MACROD2: variants seen among roughly 807,000 people sequenced by gnomAD.
MACROD2 encodes the protein mono-ADP ribosylhydrolase 2.
In MACROD2, 36 loss-of-function variants were observed where a neutral mutation model predicts 70.4. The ratio of observed to expected loss-of-function variants is 0.51; its 90% CI spans 0.39 to 0.68. MACROD2 has a LOEUF of 0.68. Ranked by LOEUF, MACROD2 falls within the 30% of genes least tolerant of loss-of-function variation. The pLI, the probability that MACROD2 is intolerant of heterozygous loss-of-function variation, is 0.00. For missense variants in MACROD2, 496 were observed against 538.4 expected (o/e 0.92, Z 0.78); for synonymous variants, 172 against 178.8 (o/e 0.96, Z 0.30).
At chr20:14,869,022 T>C (rs1273154711) in intron 5 of MACROD2, among the ~76,000 whole-genome samples, 1 of 152,004 alleles carries the variant, frequency 6.6e-6, no homozygotes, top group Non-Finnish European at 1.5e-5. Flanking sequence ...CTCCAAAAGA[T>C]CACAACAGAG....
intron 5 of MACROD2, among the ~76,000 whole-genome samples, chr20:14,975,894 G>A (rs907239020): frequency 3.9e-5 from 6 of 152,144 alleles, no homozygotes; most frequent in South Asian, 4.1e-4. Context: ...GAAAGTAAGC[G>A]AAGTTATGGA....
chr20:14,764,427 A>G (rs1451365846), intron 5 of MACROD2, among the ~76,000 whole-genome samples: 1 of 152,016 alleles, frequency 6.6e-6, no homozygotes, highest in Non-Finnish European at 1.5e-5. Context: ...TCTTTGTACC[A>G]TCTGAGGTGG....
chr20:15,917,281 C>A (rs889985074), intron 10 of MACROD2, among the ~76,000 whole-genome samples: 1 of 152,116 alleles, frequency 6.6e-6, no homozygotes, highest in Non-Finnish European at 1.5e-5. Flanking sequence ...TTCTCTCATT[C>A]CTTCAGGGAG....
At chr20:14,323,318 G>A (rs182949633) in intron 3 of MACROD2, 40 of 152,146 alleles carry the variant, frequency 2.6e-4, no homozygotes, top group African/African-American at 7.5e-4. Flanking sequence ...ATTTACTGAC[G>A]TATTATAAAG....
At chr20:15,786,904 G>T (rs2051938123) in intron 8 of MACROD2, among the ~76,000 whole-genome samples, 1 of 152,140 alleles carries the variant, frequency 6.6e-6, no homozygotes, top group Admixed American at 6.5e-5. Context: ...GGCATACAAA[G>T]TGTAAGTGTC....
chr20:14,221,492 A>C (rs2081673957), intron 3 of MACROD2, among the ~76,000 whole-genome samples: 1 of 152,140 alleles, frequency 6.6e-6, no homozygotes, highest in South Asian at 2.1e-4. Flanking sequence ...CTCAAGACAG[A>C]TTAAAGACTT....
chr20:14,060,555 G>A (rs1193596915), intron 2 of MACROD2, among the ~76,000 whole-genome samples: 1 of 152,184 alleles, frequency 6.6e-6, no homozygotes, highest in Non-Finnish European at 1.5e-5. Flanking sequence ...TCTCAGATAA[G>A]TAGTTCCAGA....
chr20:14,813,803 T>G (rs926939564), intron 5 of MACROD2, among the ~76,000 whole-genome samples: 4 of 152,028 alleles, frequency 2.6e-5, no homozygotes, highest in Non-Finnish European at 2.9e-5. Flanking sequence ...ATTACATTAT[T>G]GGCCATTGGT....
At chr20:15,059,964 A>G (rs1209958659) in intron 5 of MACROD2, among the ~76,000 whole-genome samples, 5 of 152,230 alleles carry the variant, frequency 3.3e-5, no homozygotes, top group Admixed American at 6.5e-5. Flanking sequence ...GTATCTTCCT[A>G]TCTGCTACAG....
chr20:14,402,044 A>G (rs1340825307), intron 3 of MACROD2, among the ~76,000 whole-genome samples: 6 of 152,138 alleles, frequency 3.9e-5, no homozygotes, highest in Admixed American at 3.3e-4. Context: ...AAATATTTTC[A>G]TGGTACAGAG....
chr20:14,557,836 C>T (rs144092870), intron 4 of MACROD2, among the ~76,000 whole-genome samples: 1 of 151,880 alleles, frequency 6.6e-6, no homozygotes, highest in Non-Finnish European at 1.5e-5. Flanking sequence ...AATTGTTAAA[C>T]ATAGAATTAC....
At chr20:14,312,499 A>T (rs1488215663) in intron 3 of MACROD2, among the ~76,000 whole-genome samples, 3 of 152,220 alleles carry the variant, frequency 2.0e-5, no homozygotes, top group African/African-American at 7.2e-5. Context: ...ACTACCATGT[A>T]CAAAGCACTA....
intron 3 of MACROD2, among the ~76,000 whole-genome samples, chr20:14,315,044 A>G (rs115518474): frequency 0.015 from 2,308 of 152,278 alleles, 24 homozygotes; most frequent in African/African-American, 0.027. Context: ...AATTGTATAT[A>G]TAATTTAATA....
At chr20:15,265,205 C>G (rs1161488084) in intron 6 of MACROD2, among the ~76,000 whole-genome samples, 1 of 152,158 alleles carries the variant, frequency 6.6e-6, no homozygotes, top group Admixed American at 6.5e-5. Flanking sequence ...TTTTCCTGTT[C>G]CCAGGTTTTC....
intron 8 of MACROD2, among the ~76,000 whole-genome samples, chr20:15,593,605 A>G (rs1188937778): frequency 6.6e-6 from 1 of 152,226 alleles, no homozygotes; most frequent in Non-Finnish European, 1.5e-5. Flanking sequence ...CATGCTTCAG[A>G]TCTGTGCAGA....
chr20:15,188,115 A>AT (rs1327763218), intron 5 of MACROD2, among the ~76,000 whole-genome samples: 2 of 152,106 alleles, frequency 1.3e-5, no homozygotes, highest in Non-Finnish European at 2.9e-5. Flanking sequence ...ATATTAATAT[A>AT]TTTTTGCATA....
rs762875361 is a variant in MACROD2, at chr20:14,215,579, A to G, written c.271+129851A>G. 2.6e-5 allele frequency among the ~76,000 whole-genome samples: 4 copies of G among 152,124 alleles called. No homozygotes were observed. The East Asian group carries it at 5.8e-4, about 22-fold the overall frequency. ...AGTTCTGCTTTTACTTCTCTAAGGGATCTCCACAGTGTTTTCCATAGCGGC... is the reference window on the plus strand; with the variant it reads ...AGTTCTGCTTTTACTTCTCTAAGGGGTCTCCACAGTGTTTTCCATAGCGGC... On this transcript the variant is annotated intron_variant, in intron 3 of 17. Transcript: ENST00000684519.
chr20:15,260,971 T>C (rs2077244374), intron 6 of MACROD2, among the ~76,000 whole-genome samples: 1 of 152,028 alleles, frequency 6.6e-6, no homozygotes, highest in Non-Finnish European at 1.5e-5. Context: ...GCCATGAGGT[T>C]ATTCAATCTT....
At chr20:14,236,164 A>T (rs1431845493) in intron 3 of MACROD2, among the ~76,000 whole-genome samples, 1 of 152,124 alleles carries the variant, frequency 6.6e-6, no homozygotes, top group East Asian at 1.9e-4. Flanking sequence ...TCAAATCCAG[A>T]CTGCTTTGAT....
Sources: allele counts gnomAD v4.1 joint callset (sites outside exome capture counted in the v4.1 genomes callset), GRCh38; gene constraint gnomAD v4.1.1; transcripts MANE v1.5; gene names NCBI Gene and HGNC (gene_info 2026-07-23, HGNC 2026-07-21).